DNAH11: variants seen among roughly 807,000 people sequenced by gnomAD.
DNAH11 encodes the protein axonemal beta dynein heavy chain 11.
DNAH11 carries 442 observed loss-of-function variants against 526.0 expected under a neutral mutation model. The observed-to-expected ratio is 0.84, with a 90% CI of 0.78 to 0.91. DNAH11 has a LOEUF of 0.91. DNAH11 is among the 40% of genes least tolerant of loss of function. The probability of loss-of-function intolerance (pLI) is 0.00; values close to 1 mark genes in which losing one functional copy is unlikely to be tolerated. For missense variants in DNAH11, 6,989 were observed against 5,448.7 expected (o/e 1.28, Z -8.90); for synonymous variants, 2,461 against 1,935.9 (o/e 1.27, Z -7.12).
chr7:21,592,930 G>T (rs1323112840), intron 14 of DNAH11, among the ~76,000 whole-genome samples: 1 of 152,172 alleles, frequency 6.6e-6, no homozygotes, highest in African/African-American at 2.4e-5. Context: ...AGAGATGCTT[G>T]TCCTAAGGGA....
intron 28 of DNAH11, among the ~76,000 whole-genome samples, chr7:21,649,402 TG>T (rs1305613115): frequency 6.6e-6 from 1 of 152,164 alleles, no homozygotes; most frequent in Non-Finnish European, 1.5e-5. Flanking sequence ...CCCTTAACAG[TG>T]GGATGGCTAA....
At chr7:21,797,400 G>A (rs548071421) in intron 61 of DNAH11, among the ~76,000 whole-genome samples, 1 of 151,120 alleles carries the variant, frequency 6.6e-6, no homozygotes, top group Admixed American at 6.6e-5. Context: ...TGTATTTTTA[G>A]TAGAGACGGG....
chr7:21,543,715 C>T lies in DNAH11; in HGVS notation c.351+119C>T, dbSNP rs1180372626. On this transcript the variant is annotated intron_variant, in intron 1 of 81. Transcript: ENST00000409508. ...CACTCGGGCACTTTAACAAACTTGGCTTGAAGTCCCCATCCTGAGGCCCGC... is the reference window on the plus strand; with the variant it reads ...CACTCGGGCACTTTAACAAACTTGGTTTGAAGTCCCCATCCTGAGGCCCGC... The T allele has an allele frequency of 8.3e-6, 9 of 1,081,240 alleles. No individual in the cohort carries two copies. In the East Asian group the frequency reaches 1.6e-4, roughly 19 times the overall value. 67.0% of individuals were successfully genotyped at this position (1,081,240 alleles called of 1,614,324 possible).
At chr7:21,801,090 C>G (rs1199517857) in intron 61 of DNAH11, 47 bp from the exon 62 acceptor site, 12 of 1,557,082 alleles carry the variant, frequency 7.7e-6, no homozygotes, top group Admixed American at 3.8e-5. Context: ...GGTAATCTCT[C>G]TGTTTTAACT....
At chr7:21,764,508 C>A (rs538026293) in intron 54 of DNAH11, among the ~76,000 whole-genome samples, 1 of 152,100 alleles carries the variant, frequency 6.6e-6, no homozygotes, top group African/African-American at 2.4e-5. Flanking sequence ...CCCTGATTGA[C>A]AGTTCTCTTC....
At chr7:21,555,056 C>T (rs1783163535) in intron 2 of DNAH11, among the ~76,000 whole-genome samples, 1 of 152,086 alleles carries the variant, frequency 6.6e-6, no homozygotes, top group Non-Finnish European at 1.5e-5. Context: ...TTTCACTGGG[C>T]AGGAACTTTT....
At chr7:21,776,481 CT>C (rs1766492576) in intron 56 of DNAH11, among the ~76,000 whole-genome samples, 1 of 152,168 alleles carries the variant, frequency 6.6e-6, no homozygotes, top group Non-Finnish European at 1.5e-5. Context: ...CTCTAAGGGT[CT>C]GCCTTAAGGA....
intron 65 of DNAH11, among the ~76,000 whole-genome samples, chr7:21,820,638 A>C (rs1238997431): frequency 6.6e-6 from 1 of 152,138 alleles, no homozygotes; most frequent in Non-Finnish European, 1.5e-5. Flanking sequence ...ATGAGACTGG[A>C]GAGGAGAGCA....
At chr7:21,853,639 G>A (rs1782723892) in intron 67 of DNAH11, among the ~76,000 whole-genome samples, 1 of 152,112 alleles carries the variant, frequency 6.6e-6, no homozygotes, top group Non-Finnish European at 1.5e-5. Context: ...GTATCCTATG[G>A]GACCAGCAGT....
intron 61 of DNAH11, among the ~76,000 whole-genome samples, chr7:21,794,857 C>T (rs1246121167): frequency 6.6e-6 from 1 of 152,170 alleles, no homozygotes; most frequent in Admixed American, 6.5e-5. Flanking sequence ...CTGTCCACCT[C>T]AGTCTCACTT....
chr7:21,679,592 C>T (rs1007037018), intron 30 of DNAH11, among the ~76,000 whole-genome samples: 1 of 152,106 alleles, frequency 6.6e-6, no homozygotes, highest in Non-Finnish European at 1.5e-5. Flanking sequence ...TCCTGAATAT[C>T]TAGGGGACAT....
chr7:21,751,507 A>G (rs1475835496), intron 54 of DNAH11, among the ~76,000 whole-genome samples: 2 of 152,182 alleles, frequency 1.3e-5, no homozygotes, highest in Admixed American at 6.5e-5. Context: ...CCAATTTAAG[A>G]ATGCTGCTAG....
chr7:21,549,558 T>G (rs1234359465), intron 2 of DNAH11, among the ~76,000 whole-genome samples: 3 of 152,188 alleles, frequency 2.0e-5, no homozygotes, highest in East Asian at 1.9e-4. Context: ...TTCCCTGTGG[T>G]GTTTGCACCA....
chr7:21,838,457 T>C (rs1193820885), intron 65 of DNAH11, among the ~76,000 whole-genome samples: 1 of 152,200 alleles, frequency 6.6e-6, no homozygotes, highest in African/African-American at 2.4e-5. Context: ...ATGCACAGAG[T>C]TGGGCCAACA....
chr7:21,573,336 C>T (rs1036551021), intron 8 of DNAH11, among the ~76,000 whole-genome samples: 6 of 152,152 alleles, frequency 3.9e-5, no homozygotes, highest in Non-Finnish European at 7.4e-5. Context: ...CTCTGATCTT[C>T]GGTCTGGTTG....
At position 21,599,815 on chromosome 7, in the gene DNAH11, C is replaced by G. The variant is rs760311919; in HGVS notation, c.2696C>G (p.Pro899Arg). Residue 899 changes from proline to arginine, a missense_variant, in exon 15 of 82, where the codon CCC becomes CGC. Physicochemically the swap from Pro to Arg is moderately radical, Grantham distance 103 (BLOSUM62 -2). Transcript: ENST00000409508. Reference protein sequence around the residue: ...EENRKLFKANPSLDTWKIYVE... With the variant: ...EENRKLFKANRSLDTWKIYVE... ...AATAGGAAGCTCTTCAAAGCCAATC[C>G]CTCTCTGGATACCTGGAAAATTTAT... is the stretch of plus-strand genomic sequence containing the variant. 4 of 1,581,756 alleles carry G rather than the reference C, an allele frequency of 2.5e-6. No individual in the cohort carries two copies.
intron 55 of DNAH11, among the ~76,000 whole-genome samples, chr7:21,767,749 C>T (rs1169315644): frequency 2.6e-5 from 4 of 152,130 alleles, no homozygotes; most frequent in South Asian, 2.1e-4. Flanking sequence ...CTTCTAAAAA[C>T]CTGTGGTGTC....
At chr7:21,762,017 G>A (rs117664672) in intron 54 of DNAH11, among the ~76,000 whole-genome samples, 2,593 of 152,154 alleles carry the variant, frequency 0.017, 141 homozygotes, top group Admixed American at 0.1. Context: ...TCAGATGGCC[G>A]CATCTGAAGT....
intron 3 of DNAH11, 106 bp from the exon 4 acceptor site, chr7:21,559,497 T>C: frequency 1.1e-6 from 1 of 943,070 alleles, no homozygotes; most frequent in Non-Finnish European, 1.6e-6. Context: ...TTCAAGAATT[T>C]ATTTTTAGGA....
Sources: gnomAD v4.1 joint callset for allele counts (sites outside exome capture counted in the v4.1 genomes callset) on GRCh38, gnomAD v4.1.1 for gene constraint, MANE v1.5 for transcripts, NCBI Gene and HGNC (gene_info 2026-07-23, HGNC 2026-07-21) for gene names.